AMBRA1: variants seen among roughly 807,000 people sequenced by gnomAD.
AMBRA1 encodes the protein autophagy and beclin 1 regulator 1, also known as activating molecule in BECN1-regulated autophagy protein 1.
AMBRA1 carries 47 observed loss-of-function variants against 125.4 expected under a neutral mutation model. The observed-to-expected ratio is 0.37, with a 90% CI of 0.30 to 0.48. The LOEUF (loss-of-function observed/expected upper bound fraction) is 0.48. Ranked by LOEUF, AMBRA1 falls within the 20% of genes least tolerant of loss-of-function variation. AMBRA1 has a pLI of 0.99. For missense variants in AMBRA1, 1,331 were observed against 1,693.4 expected (o/e 0.79, Z 3.76); for synonymous variants, 626 against 655.5 (o/e 0.95, Z 0.69).
At chr11:46,485,632 T>C (rs1950241520) in intron 11 of AMBRA1, among the ~76,000 whole-genome samples, 1 of 152,192 alleles carries the variant, frequency 6.6e-6, no homozygotes, top group African/African-American at 2.4e-5. Context: ...ATACTAAGCA[T>C]TTAGAAAGTG....
intron 7 of AMBRA1, among the ~76,000 whole-genome samples, chr11:46,517,606 A>C (rs1354594708): frequency 2.7e-5 from 4 of 146,568 alleles, no homozygotes; most frequent in African/African-American, 1.0e-4. Flanking sequence ...AGGCTGAGGC[A>C]GGTGGATCAC....
At chr11:46,588,088 T>G (rs777548816) in intron 1 of AMBRA1, among the ~76,000 whole-genome samples, 1 of 152,176 alleles carries the variant, frequency 6.6e-6, no homozygotes, top group Non-Finnish European at 1.5e-5. Flanking sequence ...ATCACAGAAC[T>G]TTGACAGGCC....
chr11:46,475,315 C>T (rs1439188865), intron 11 of AMBRA1, among the ~76,000 whole-genome samples: 2 of 152,148 alleles, frequency 1.3e-5, no homozygotes, highest in Admixed American at 6.5e-5. Context: ...TAACGTTCAA[C>T]GTTTAAGAAC....
At chr11:46,461,414 G>A (rs192557837) in intron 11 of AMBRA1, among the ~76,000 whole-genome samples, 31 of 152,148 alleles carry the variant, frequency 2.0e-4, no homozygotes, top group Non-Finnish European at 4.0e-4. Flanking sequence ...GCATATGTTT[G>A]CAAGTATTTT....
chr11:46,482,795 G>A (rs932545799), intron 11 of AMBRA1, among the ~76,000 whole-genome samples: 2 of 152,076 alleles, frequency 1.3e-5, no homozygotes, highest in Non-Finnish European at 2.9e-5. Flanking sequence ...CAGATCATAA[G>A]GTCAGGAGTT....
chr11:46,399,997 G>C (rs1308021278), intron 17 of AMBRA1, among the ~76,000 whole-genome samples: 1 of 152,162 alleles, frequency 6.6e-6, no homozygotes. Flanking sequence ...GCTGGAGAGA[G>C]AAAAGGAGCT....
At chr11:46,561,350 C>A (rs1827364929) in intron 1 of AMBRA1, among the ~76,000 whole-genome samples, 1 of 150,776 alleles carries the variant, frequency 6.6e-6, no homozygotes, top group Non-Finnish European at 1.5e-5. Flanking sequence ...CATTGCACTC[C>A]AGCCTAGGTA....
intron 1 of AMBRA1, among the ~76,000 whole-genome samples, chr11:46,567,922 C>T (rs374390115): frequency 3.3e-5 from 5 of 151,536 alleles, no homozygotes; most frequent in Admixed American, 6.6e-5. Flanking sequence ...CCGAGGCAGG[C>T]GGATCACTTG....
At chr11:46,402,486 C>T (rs1279076151) in intron 17 of AMBRA1, among the ~76,000 whole-genome samples, 2 of 152,128 alleles carry the variant, frequency 1.3e-5, no homozygotes, top group African/African-American at 2.4e-5. Context: ...CTCAGCCTCC[C>T]GAGTAGCTGG....
chr11:46,580,158 C>G (rs1478812669), intron 1 of AMBRA1, among the ~76,000 whole-genome samples: 1 of 152,174 alleles, frequency 6.6e-6, no homozygotes, highest in Non-Finnish European at 1.5e-5. Flanking sequence ...CTGACAAATC[C>G]AACAATGTAC....
chr11:46,483,494 G>GT (rs1207558257), intron 11 of AMBRA1, among the ~76,000 whole-genome samples: 2 of 152,214 alleles, frequency 1.3e-5, no homozygotes, highest in African/African-American at 4.8e-5. Context: ...AAGGTAAGAG[G>GT]TGATGTCTGC....
At chr11:46,416,964 G>A (rs1481471680) in intron 15 of AMBRA1, among the ~76,000 whole-genome samples, 1 of 152,108 alleles carries the variant, frequency 6.6e-6, no homozygotes, top group Admixed American at 6.5e-5. Flanking sequence ...AGAGGAAGGG[G>A]AAGGGGTGTC....
chr11:46,578,037 G>A (rs537543038), intron 1 of AMBRA1, among the ~76,000 whole-genome samples: 3 of 152,048 alleles, frequency 2.0e-5, no homozygotes, highest in East Asian at 1.9e-4. Flanking sequence ...GGCTAAAGCA[G>A]GAGGAAAGCT....
At chr11:46,592,241 A>AT (rs898452892) in intron 1 of AMBRA1, among the ~76,000 whole-genome samples, 2,028 of 148,582 alleles carry the variant, frequency 0.014, 23 homozygotes, top group Non-Finnish European at 0.021. Context: ...GACAGGCTGA[A>AT]TTTTTTTTTT....
At chr11:46,412,538 C>G (rs1946343085) in intron 15 of AMBRA1, among the ~76,000 whole-genome samples, 1 of 152,162 alleles carries the variant, frequency 6.6e-6, no homozygotes, top group South Asian at 2.1e-4. Flanking sequence ...AATCTGCCTA[C>G]CTCAGCCTCC....
chr11:46,574,494 C>T (rs986846822), intron 1 of AMBRA1, among the ~76,000 whole-genome samples: 219 of 151,698 alleles, frequency 1.4e-3, no homozygotes, highest in African/African-American at 5.1e-3. Context: ...ATGTCCTTCG[C>T]CCACTTTTTG....
chr11:46,457,360 G>A (rs191537856), intron 11 of AMBRA1, among the ~76,000 whole-genome samples: 4 of 152,258 alleles, frequency 2.6e-5, no homozygotes, highest in East Asian at 1.9e-4. Context: ...AGGTTAGATC[G>A]GAAAATGGAC....
intron 9 of AMBRA1, among the ~76,000 whole-genome samples, chr11:46,501,708 A>G (rs1950846530): frequency 6.6e-6 from 1 of 152,238 alleles, no homozygotes; most frequent in African/African-American, 2.4e-5. Context: ...CAAAAATCAA[A>G]TAATTATATT....
chr11:46,481,903 T>C (rs1218993989), intron 11 of AMBRA1, among the ~76,000 whole-genome samples: 1 of 152,250 alleles, frequency 6.6e-6, no homozygotes, highest in African/African-American at 2.4e-5. Context: ...GTGATTAATA[T>C]GTGAGAAGTG....
Sources: gnomAD v4.1 joint callset for allele counts (sites outside exome capture counted in the v4.1 genomes callset) on GRCh38, gnomAD v4.1.1 for gene constraint, MANE v1.5 for transcripts, NCBI Gene and HGNC (gene_info 2026-07-23, HGNC 2026-07-21) for gene names.